Variants in XRN2 observed in about 807,000 individuals in gnomAD.
XRN2 encodes the protein DHM1-like protein.
In XRN2, 44 loss-of-function variants were observed where a neutral mutation model predicts 138.5. The ratio of observed to expected loss-of-function variants is 0.32; its 90% CI spans 0.25 to 0.41. XRN2 has a LOEUF of 0.41. XRN2 is among the 10% of genes least tolerant of loss of function. The pLI is 1.00. For synonymous variants in XRN2, 354 were observed against 369.4 expected, an observed-to-expected ratio of 0.96 and a Z score of 0.48; for missense variants, 937 against 1,169.3, an observed-to-expected ratio of 0.80 and a Z score of 2.90.
intron 27 of XRN2, among the ~76,000 whole-genome samples, chr20:21,372,554 CAT>C (rs886464104): frequency 2.6e-4 from 39 of 152,234 alleles, no homozygotes; most frequent in African/African-American, 8.7e-4. Context: ...AGCAATAAAA[CAT>C]AAAAAACACC....
At chr20:21,303,680 G>C in intron 1 of XRN2, 2 of 1,324,586 alleles carry the variant, frequency 1.5e-6, no homozygotes, top group Non-Finnish European at 1.9e-6. Context: ...CAGGACCCTC[G>C]GCGGGGCAAG....
At chr20:21,338,288 T>C (rs991448610) in intron 13 of XRN2, among the ~76,000 whole-genome samples, 1 of 152,144 alleles carries the variant, frequency 6.6e-6, no homozygotes, top group Non-Finnish European at 1.5e-5. Context: ...ATGGGAGGCC[T>C]GCGAATGGCC....
chr20:21,349,605 T>C (rs543259015), intron 20 of XRN2, 144 bp downstream of exon 20: 74 of 690,316 alleles, frequency 1.1e-4, no homozygotes, highest in Non-Finnish European at 1.6e-4. Context: ...TAGCCTGGCG[T>C]GGTGGCTTGC....
intron 27 of XRN2, 130 bp downstream of exon 27, chr20:21,368,720 TAGA>T (rs1229784210): frequency 9.4e-6 from 12 of 1,273,334 alleles, no homozygotes; most frequent in Non-Finnish European, 5.3e-6. Context: ...ACATGTAAGT[TAGA>T]AGAGTTGTGA....
intron 28 of XRN2, among the ~76,000 whole-genome samples, chr20:21,385,025 T>C (rs1268791416): frequency 6.6e-6 from 1 of 152,154 alleles, no homozygotes; most frequent in Non-Finnish European, 1.5e-5. Flanking sequence ...TTATTGATGA[T>C]TTTTTTCATA....
intron 27 of XRN2, among the ~76,000 whole-genome samples, 192 bp downstream of exon 27, chr20:21,368,782 G>A (rs1169843398): frequency 2.0e-5 from 3 of 151,970 alleles, no homozygotes; most frequent in African/African-American, 4.8e-5. Flanking sequence ...CTTTATTTTT[G>A]TGGGTACATT....
intron 27 of XRN2, among the ~76,000 whole-genome samples, chr20:21,369,762 G>A (rs886556305): frequency 1.3e-5 from 2 of 152,098 alleles, no homozygotes; most frequent in African/African-American, 4.8e-5. Flanking sequence ...ACATATTCTG[G>A]TTATTAAACT....
At chr20:21,320,283 T>TTATGTATG (rs1555783279) in intron 1 of XRN2, among the ~76,000 whole-genome samples, 1 of 79,640 alleles carries the variant, frequency 1.3e-5, no homozygotes, top group African/African-American at 4.0e-5. Context: ...ATTTATGTAT[T>TTATGTATG]TATTTATTTA....
At position 21,379,702 on chromosome 20, in the gene XRN2, C is replaced by G. The variant is rs370802821; in HGVS notation, c.2585-2292C>G. Among the ~76,000 whole-genome samples, 252 of 152,220 alleles carry G rather than the reference C, an allele frequency of 1.7e-3. 1 individual carries two copies. The highest frequency in any genetic ancestry group is 5.9e-3 in the African/African-American group (245 of 41,536). On this transcript the variant is annotated intron_variant, in intron 27 of 29. Coordinates refer to ENST00000377191, the MANE Select transcript of XRN2 (RefSeq NM_012255.5). ...ATTTCTAGTTGTATAGGTTAGACAA[C>G]TAGTTGTATAGGTTAGACAATTATT...
chr20:21,321,161 T>C (rs2038037573), intron 1 of XRN2, among the ~76,000 whole-genome samples: 1 of 151,812 alleles, frequency 6.6e-6, no homozygotes, highest in Admixed American at 6.6e-5. Context: ...GGATTACAGG[T>C]ATGCTATCAC....
At position 21,330,683 on chromosome 20, in the gene XRN2, A is replaced by T. The variant is rs1300898703; in HGVS notation, c.554A>T (p.Asp185Val). 6.2e-7 allele frequency: 1 copy of T among 1,612,640 alleles called. No homozygotes were observed. The highest frequency in any genetic ancestry group is 1.7e-5 in the Admixed American group (1 of 60,000). The change falls in exon 6 of 30, where the codon GAC becomes GTC. Residue 185 changes from aspartate to valine, a missense_variant. Transcript: ENST00000377191. Reference protein sequence around the residue: ...RYYIADRLNNDPGWKNLTVIL... With the variant: ...RYYIADRLNNVPGWKNLTVIL... ...TACATAGCTGATCGTTTAAATAATG[A>T]CCCTGGGTGGAAAAATTTGACAGTA...
chr20:21,375,010 CTTT>C (rs34212552), intron 27 of XRN2, among the ~76,000 whole-genome samples: 2,443 of 44,476 alleles, frequency 0.055, 18 homozygotes, highest in African/African-American at 0.078. Context: ...TTGGTAAGTT[CTTT>C]TTTTTTTTTT....
chr20:21,374,571 T>C (rs371862798), intron 27 of XRN2, among the ~76,000 whole-genome samples: 9 of 152,242 alleles, frequency 5.9e-5, no homozygotes, highest in African/African-American at 2.2e-4. Context: ...TGTTTGTTGT[T>C]TTTTCTTTGT....
chr20:21,386,095 A>G (rs188835785), intron 28 of XRN2, among the ~76,000 whole-genome samples: 101 of 152,356 alleles, frequency 6.6e-4, no homozygotes, highest in African/African-American at 2.4e-3. Flanking sequence ...GATTTAGTAC[A>G]TTATACCTGT....
At chr20:21,354,381 A>G (rs6137323) in intron 20 of XRN2, among the ~76,000 whole-genome samples, 2 of 152,224 alleles carry the variant, frequency 1.3e-5, no homozygotes, top group African/African-American at 4.8e-5. Flanking sequence ...TTTACAAAAG[A>G]TGAAACCAAG....
At chr20:21,320,279 G>GTATTTATTTATGTATT (rs1555783270) in intron 1 of XRN2, among the ~76,000 whole-genome samples, 6,718 of 88,540 alleles carry the variant, frequency 0.076, 179 homozygotes, top group Admixed American at 0.082. Context: ...ATTTATTTAT[G>GTATTTATTTATGTATT]TATTTATTTA....
Position 21,340,811 on chromosome 20 carries a change from C to G in XRN2, c.1369C>G (p.Pro457Ala). ...NSPGSQVASN[P>A]RQAAYEMRMQ... The stretch of plus-strand genomic sequence containing the variant: ...ACCAGGTTCTCAAGTAGCCAGTAAT[C>G]CGAGACAAGCAGCCTATGAAATGAG... Residue 457 changes from proline (P) to alanine (A), a missense_variant, in exon 15 of 30, where the codon CCG becomes GCG. Around this residue, in one of 6 missense-constraint regions of XRN2, gnomAD observed 471 missense variants for 581.2 expected, o/e 0.81. Transcript: ENST00000377191. 2 of 1,613,974 alleles carry G rather than the reference C, an allele frequency of 1.2e-6. No individual in the cohort carries two copies. Among genetic ancestry groups the G allele is most frequent in the Admixed American group, 1.7e-5 (1 of 60,018 alleles).
At chr20:21,373,091 C>G (rs2038781081) in intron 27 of XRN2, among the ~76,000 whole-genome samples, 1 of 152,140 alleles carries the variant, frequency 6.6e-6, no homozygotes, top group Non-Finnish European at 1.5e-5. Flanking sequence ...TGGCTCACCA[C>G]AACCTCCACC....
rs749349471 is a variant in XRN2, at chr20:21,333,607, G to A, written c.922G>A (p.Val308Ile). The A allele has an allele frequency of 1.6e-5, 26 of 1,613,732 alleles. No homozygotes were observed. Among genetic ancestry groups the A allele is most frequent in the Non-Finnish European group, 2.1e-5 (25 of 1,179,662 alleles). ...EGEFIFLRLN[V>I]LREYLERELT... ...AGAGTTTATCTTCCTTCGGCTTAAT[G>A]TTCTTCGTGAGGTATGTAGCAATAA... Residue 308 changes from valine (V) to isoleucine (I), a missense_variant, in exon 10 of 30, where the codon GTT becomes ATT. By Grantham distance (29) the Val-to-Ile change is conservative. This residue lies in a region of XRN2 where 471 missense variants were observed against 581.2 expected (regional missense o/e 0.81). Transcript: ENST00000377191.
Sources: allele counts gnomAD v4.1 joint callset (sites outside exome capture counted in the v4.1 genomes callset), GRCh38; gene constraint gnomAD v4.1.1; regional missense constraint gnomAD v4.1.1; transcripts MANE v1.5; gene names NCBI Gene and HGNC (gene_info 2026-07-23, HGNC 2026-07-21).